BMPER: variants seen among roughly 807,000 people sequenced by gnomAD.
BMPER encodes BMP binding endothelial regulator.
A neutral mutation model predicts 87.3 loss-of-function variants in BMPER; 45 were observed. The ratio of observed to expected loss-of-function variants is 0.52; its 90% CI spans 0.41 to 0.66. The LOEUF is 0.66. BMPER is among the 30% of genes least tolerant of loss of function. The pLI, the probability that BMPER is intolerant of heterozygous loss-of-function variation, is 0.00. For missense variants in BMPER, 784 were observed against 867.5 expected (o/e 0.90, Z 1.21); for synonymous variants, 326 against 316.2 (o/e 1.03, Z -0.33).
intron 13 of BMPER, among the ~76,000 whole-genome samples, chr7:34,092,350 C>T: frequency 6.6e-6 from 1 of 152,200 alleles, no homozygotes; most frequent in East Asian, 1.9e-4. Flanking sequence ...GGTTCCTCTT[C>T]TGTCCCTCAG....
chr7:34,040,397 C>T (rs142907756), intron 6 of BMPER, among the ~76,000 whole-genome samples: 7 of 152,198 alleles, frequency 4.6e-5, no homozygotes, highest in African/African-American at 1.4e-4. Context: ...AAGCAAAGTG[C>T]GAATTAGGTT....
rs533473629 is a variant in BMPER, at chr7:33,945,114, T to C, written c.319+7726T>C. Among the ~76,000 whole-genome samples the C allele has an allele frequency of 1.2e-4, 19 of 152,236 alleles. No individual in the cohort carries two copies. In the East Asian group the frequency reaches 3.3e-3, roughly 26 times the overall value. On this transcript the variant is annotated intron_variant, in intron 3 of 14. Coordinates refer to ENST00000649409, the MANE Select transcript of BMPER (RefSeq NM_001365308.1). Reference sequence around the variant, plus strand: ...CTGCCAACACGCCCGGCTAATTTTTTGTATTTTTAGTAGAGACAGGGTTTC... The same window carrying C: ...CTGCCAACACGCCCGGCTAATTTTTCGTATTTTTAGTAGAGACAGGGTTTC...
At chr7:34,141,643 A>G (rs1321720880) in intron 13 of BMPER, among the ~76,000 whole-genome samples, 1 of 149,072 alleles carries the variant, frequency 6.7e-6, no homozygotes, top group Non-Finnish European at 1.5e-5. Flanking sequence ...AAGTACAACC[A>G]TGATTACTAC....
intron 6 of BMPER, among the ~76,000 whole-genome samples, chr7:33,991,424 C>G (rs1201163555): frequency 2.0e-5 from 3 of 152,052 alleles, no homozygotes; most frequent in Admixed American, 6.6e-5. Context: ...GTAGTATTCT[C>G]TGATGGTAGT....
chr7:34,133,334 C>T (rs1229387104), intron 13 of BMPER, among the ~76,000 whole-genome samples: 3 of 152,092 alleles, frequency 2.0e-5, no homozygotes, highest in African/African-American at 7.2e-5. Flanking sequence ...CCACGAAAAC[C>T]CCAAAGGTCA....
At chr7:34,073,496 A>G (rs1585802591) in intron 11 of BMPER, among the ~76,000 whole-genome samples, 1 of 152,202 alleles carries the variant, frequency 6.6e-6, no homozygotes, top group East Asian at 1.9e-4. Flanking sequence ...ACTGTCACTC[A>G]TGTGGTTTGT....
chr7:34,128,688 T>G (rs1464331210), intron 13 of BMPER, among the ~76,000 whole-genome samples: 1 of 152,152 alleles, frequency 6.6e-6, no homozygotes, highest in Non-Finnish European at 1.5e-5. Flanking sequence ...TGAAATAGAA[T>G]AGAATAATTC....
intron 2 of BMPER, among the ~76,000 whole-genome samples, chr7:33,925,559 G>T (rs905021178): frequency 6.6e-6 from 1 of 152,158 alleles, no homozygotes; most frequent in Non-Finnish European, 1.5e-5. Context: ...ATTGGTTTTA[G>T]AATGTAAGTT....
intron 2 of BMPER, among the ~76,000 whole-genome samples, chr7:33,923,383 C>G (rs1784282451): frequency 6.6e-6 from 1 of 152,210 alleles, no homozygotes; most frequent in African/African-American, 2.4e-5. Flanking sequence ...GGTCTGTGCC[C>G]TCTTCTGTGG....
At chr7:33,979,634 A>C (rs1785792616) in intron 6 of BMPER, among the ~76,000 whole-genome samples, 1 of 152,076 alleles carries the variant, frequency 6.6e-6, no homozygotes, top group African/African-American at 2.4e-5. Context: ...GGGAGAGTAA[A>C]TCTGGTCAGA....
chr7:34,034,288 T>C (rs1787604991), intron 6 of BMPER, among the ~76,000 whole-genome samples: 1 of 152,208 alleles, frequency 6.6e-6, no homozygotes, highest in Admixed American at 6.5e-5. Context: ...AGAATATGCC[T>C]TGTGGATTTG....
At chr7:34,142,192 G>A (rs1018979494) in intron 13 of BMPER, among the ~76,000 whole-genome samples, 1 of 152,152 alleles carries the variant, frequency 6.6e-6, no homozygotes, top group Non-Finnish European at 1.5e-5. Flanking sequence ...AAACTGTTAG[G>A]CAGTAAATTT....
intron 5 of BMPER, 24 bp downstream of exon 5, chr7:33,970,443 C>A (rs1436672577): frequency 6.2e-7 from 1 of 1,601,596 alleles, no homozygotes; most frequent in Admixed American, 1.7e-5. Context: ...GAAGGGGAGG[C>A]TGGAAATCTC....
At chr7:33,975,426 G>T (rs1585695757) in intron 6 of BMPER, among the ~76,000 whole-genome samples, 1 of 152,176 alleles carries the variant, frequency 6.6e-6, no homozygotes, top group South Asian at 2.1e-4. Flanking sequence ...TCACAGGCTT[G>T]TCTTTCTAAG....
At chr7:34,076,957 G>T (rs1438780198) in intron 11 of BMPER, among the ~76,000 whole-genome samples, 2 of 152,146 alleles carry the variant, frequency 1.3e-5, no homozygotes, top group African/African-American at 4.8e-5. Context: ...GGGAAGTCTT[G>T]CTGAGAAGGT....
intron 14 of BMPER, among the ~76,000 whole-genome samples, chr7:34,150,243 A>G (rs1188737269): frequency 1.3e-5 from 2 of 152,206 alleles, no homozygotes; most frequent in Non-Finnish European, 2.9e-5. Flanking sequence ...CTAAAAAGGA[A>G]TGAGTCTCTG....
chr7:33,927,459 C>T (rs1784387818), intron 2 of BMPER, among the ~76,000 whole-genome samples: 1 of 152,180 alleles, frequency 6.6e-6, no homozygotes, highest in South Asian at 2.1e-4. Flanking sequence ...TTTGTACATG[C>T]TCACTCTTCT....
At chr7:33,978,670 G>A (rs748207361) in intron 6 of BMPER, among the ~76,000 whole-genome samples, 42 of 152,236 alleles carry the variant, frequency 2.8e-4, no homozygotes, top group Non-Finnish European at 4.4e-4. Flanking sequence ...CTCAACTTAC[G>A]GTGGAGTTAT....
chr7:33,935,085 G>C (rs1002714826), intron 2 of BMPER, among the ~76,000 whole-genome samples: 2 of 152,192 alleles, frequency 1.3e-5, no homozygotes, highest in African/African-American at 4.8e-5. Flanking sequence ...ATTTTGAATG[G>C]TGACCATAAC....
Sources: allele counts gnomAD v4.1 joint callset (sites outside exome capture counted in the v4.1 genomes callset), GRCh38; gene constraint gnomAD v4.1.1; transcripts MANE v1.5; gene names NCBI Gene and HGNC (gene_info 2026-07-23, HGNC 2026-07-21).